Variants in CLMN observed in about 807,000 individuals in gnomAD.
CLMN encodes the protein calmin (calponin-like, transmembrane).
A neutral mutation model predicts 92.7 loss-of-function variants in CLMN; 57 were observed. That is an observed-to-expected ratio of 0.61 (90% CI 0.50 to 0.77). The LOEUF is 0.77. CLMN is among the 30% of genes least tolerant of loss of function. The pLI, the probability that CLMN is intolerant of heterozygous loss-of-function variation, is 0.00. For synonymous variants in CLMN, 466 were observed against 470.6 expected (o/e 0.99, Z 0.13); for missense variants, 1,158 against 1,237.5 (o/e 0.94, Z 0.96).
intron 12 of CLMN, chr14:95,193,303 C>T (rs555654160): frequency 9.9e-6 from 15 of 1,510,668 alleles, no homozygotes; most frequent in East Asian, 7.4e-5. Context: ...AACAGTTCTC[C>T]GACAGCAAGA....
chr14:95,315,663 T>G (rs1276339323), intron 1 of CLMN, among the ~76,000 whole-genome samples: 1 of 152,200 alleles, frequency 6.6e-6, no homozygotes, highest in African/African-American at 2.4e-5. Flanking sequence ...ACCCAGAACC[T>G]ACGCAGTCAA....
intron 1 of CLMN, among the ~76,000 whole-genome samples, chr14:95,271,338 G>A (rs1899701810): frequency 6.6e-6 from 1 of 152,156 alleles, no homozygotes; most frequent in Non-Finnish European, 1.5e-5. Flanking sequence ...TTCCTGATAA[G>A]CCAAATTATT....
At chr14:95,249,119 C>T (rs554886251) in intron 1 of CLMN, among the ~76,000 whole-genome samples, 52 of 152,270 alleles carry the variant, frequency 3.4e-4, no homozygotes, top group African/African-American at 9.9e-4. Flanking sequence ...CTTCCTTCTA[C>T]GTTTGTTGCA....
intron 12 of CLMN, chr14:95,193,316 TAC>T: frequency 6.5e-7 from 1 of 1,529,342 alleles, no homozygotes; most frequent in Non-Finnish European, 8.8e-7. Flanking sequence ...CAGCAAGAAA[TAC>T]TTTCATAGAC....
intron 1 of CLMN, among the ~76,000 whole-genome samples, chr14:95,298,073 G>A (rs966539031): frequency 1.3e-5 from 2 of 152,074 alleles, no homozygotes; most frequent in African/African-American, 4.8e-5. Context: ...TGCCCGCACT[G>A]GGATGGGCCT....
intron 1 of CLMN, among the ~76,000 whole-genome samples, chr14:95,239,842 C>T (rs1898184081): frequency 6.6e-6 from 1 of 152,208 alleles, no homozygotes; most frequent in African/African-American, 2.4e-5. Context: ...AGTCATGTGC[C>T]ATATAATGAC....
At chr14:95,216,542 C>T (rs1291263278) in intron 4 of CLMN, among the ~76,000 whole-genome samples, 1 of 152,218 alleles carries the variant, frequency 6.6e-6, no homozygotes, top group African/African-American at 2.4e-5. Context: ...TACATAAACA[C>T]CACCACGCCT....
intron 1 of CLMN, among the ~76,000 whole-genome samples, chr14:95,271,700 G>A (rs1302906082): frequency 2.6e-5 from 4 of 152,176 alleles, no homozygotes; most frequent in Admixed American, 1.3e-4. Context: ...TGAAAGTTAA[G>A]TGTCTTGCTC....
In CLMN at chr14:95,210,882, G is replaced by A; in HGVS notation, c.609-3C>T. On this transcript the variant is annotated splice_region_variant and splice_polypyrimidine_tract_variant and intron_variant, in intron 6 of 12. Transcript: ENST00000298912. The stretch of plus-strand genomic sequence containing the variant: ...AGTCCTGCACCGCCACGCCATACCT[G>A]AAGGAAAAACAGCAGCGGCGGCCAG... The A allele has an allele frequency of 6.7e-7, 1 of 1,497,418 alleles. No individual in the cohort carries two copies. The highest frequency in any genetic ancestry group is 8.8e-7 in the Non-Finnish European group (1 of 1,130,210). The allele number at this position is 1,497,418 out of a possible 1,614,324, so 92.8% of individuals were successfully genotyped here.
chr14:95,214,589 C>T (rs905519503), intron 5 of CLMN, among the ~76,000 whole-genome samples: 4 of 152,000 alleles, frequency 2.6e-5, no homozygotes, highest in African/African-American at 7.2e-5. Flanking sequence ...TGGGCTCAAG[C>T]GACCCTGCCG....
chr14:95,207,823 C>T (rs141276665), intron 8 of CLMN, among the ~76,000 whole-genome samples: 5 of 152,090 alleles, frequency 3.3e-5, no homozygotes, highest in African/African-American at 7.2e-5. Context: ...ATGAAAGTCA[C>T]GGCATGGAGG....
intron 1 of CLMN, among the ~76,000 whole-genome samples, chr14:95,281,522 G>C (rs1180636760): frequency 6.6e-6 from 1 of 152,134 alleles, no homozygotes; most frequent in East Asian, 1.9e-4. Flanking sequence ...CTGCAATTTA[G>C]ACTGACCCTG....
At chr14:95,310,761 T>C (rs1405288578) in intron 1 of CLMN, among the ~76,000 whole-genome samples, 1 of 152,176 alleles carries the variant, frequency 6.6e-6, no homozygotes, top group Non-Finnish European at 1.5e-5. Flanking sequence ...GTTCTGGGCA[T>C]GGTCACAGTC....
rs1896465336 is a variant in CLMN, at chr14:95,187,354, A to G, written c.*4210T>C. The G allele has an allele frequency of 6.6e-6, 1 of 152,302 alleles. No homozygotes were observed. 9.4% of individuals were successfully genotyped at this position (152,302 alleles called of 1,614,324 possible). A position where few individuals can be genotyped will look rare whatever the true frequency, so the allele number is the denominator to read the frequency against. On this transcript the variant is annotated 3_prime_UTR_variant, in exon 13 of 13. Coordinates refer to ENST00000298912, the MANE Select transcript of CLMN (RefSeq NM_024734.4). ...CAGAAGAGAACAGTAAGCAAGAGCT[A>G]GCAACCTATTTATGCAGGAATGGAA...
At position 95,291,264 on chromosome 14, in the gene CLMN, C is replaced by T. The variant is rs562794719; in HGVS notation, c.82+28447G>A. ...GGGCTTGGCTCGCCATCCAGGAAAC[C>T]ACCTGTTGCAGGCGCCTGTGAAATG... On this transcript the variant is annotated intron_variant, in intron 1 of 12. Coordinates refer to ENST00000298912, the MANE Select transcript of CLMN (RefSeq NM_024734.4). Among the ~76,000 whole-genome samples the T allele has an allele frequency of 2.0e-5, 3 of 152,344 alleles. No homozygotes were observed. The East Asian group carries it at 5.8e-4, about 29-fold the overall frequency.
chr14:95,280,677 T>C (rs1340544871), intron 1 of CLMN, among the ~76,000 whole-genome samples: 2 of 152,242 alleles, frequency 1.3e-5, no homozygotes, highest in African/African-American at 2.4e-5. Flanking sequence ...CAAAAGTATT[T>C]GGCTTATTTG....
rs1486388565 is a variant in CLMN at position 95,196,566 on chromosome 14, T to C, written c.2640A>G (p.Val880=). 1 of 1,614,140 alleles carries C rather than the reference T, an allele frequency of 6.2e-7. No individual in the cohort carries two copies. The highest frequency in any genetic ancestry group is 8.5e-7 in the Non-Finnish European group (1 of 1,180,054). ...HVDHVESSLF[V]APGSVQSSDD... ...CTGAGGATTGAACACTTCCTGGTGC[T>C]ACAAATAGTGAACTTTCTACGTGGT... Residue 880 remains valine, a synonymous_variant, in exon 10 of 13, where the codon GTA becomes GTG. Coordinates refer to ENST00000298912, the MANE Select transcript of CLMN (RefSeq NM_024734.4).
At chr14:95,277,536 T>C (rs778602674) in intron 1 of CLMN, among the ~76,000 whole-genome samples, 3 of 150,454 alleles carry the variant, frequency 2.0e-5, no homozygotes, top group African/African-American at 7.4e-5. Flanking sequence ...AAGCTCAAAG[T>C]TGATTGCTCT....
chr14:95,191,439 G>T lies in CLMN; in HGVS notation c.*125C>A. 1 of 574,834 alleles carries T rather than the reference G, an allele frequency of 1.7e-6. No individual in the cohort carries two copies. The highest frequency in any genetic ancestry group is 2.7e-6 in the Non-Finnish European group (1 of 365,554). 35.6% of individuals were successfully genotyped at this position (574,834 alleles called of 1,614,324 possible). On this transcript the variant is annotated 3_prime_UTR_variant, in exon 13 of 13. Coordinates refer to ENST00000298912, the MANE Select transcript of CLMN (RefSeq NM_024734.4). The surrounding 1 kb of genome is among the most constrained non-coding windows in gnomAD (Gnocchi z 5.3). ...AAAAAAAACCACAATAGCGAGAAAG[G>T]GGGTCTAAGTTTCCTCGGAGGTCCT...
Sources: allele counts gnomAD v4.1 joint callset (sites outside exome capture counted in the v4.1 genomes callset), GRCh38; gene constraint gnomAD v4.1.1; non-coding constraint Gnocchi (gnomAD v3.1); transcripts MANE v1.5; gene names NCBI Gene and HGNC (gene_info 2026-07-23, HGNC 2026-07-21).